The following PRKN variants were observed in gnomAD, a reference collection of about 807,000 sequenced individuals.
The protein encoded by PRKN is E3 ubiquitin-protein ligase parkin.
PRKN carries 56 observed loss-of-function variants against 59.5 expected under a neutral mutation model. The observed-to-expected ratio is 0.94, with a 90% CI of 0.76 to 1.18. The LOEUF is 1.18. PRKN is among the 50% of genes most tolerant of loss of function. The probability of loss-of-function intolerance (pLI) is 0.00; values close to 1 mark genes in which losing one functional copy is unlikely to be tolerated. For missense variants in PRKN, 657 were observed against 596.4 expected, an observed-to-expected ratio of 1.10 and a Z score of -1.06; for synonymous variants, 250 against 222.1, an observed-to-expected ratio of 1.13 and a Z score of -1.12.
chr6:162,498,433 CTTTTTCTTTT>C lies in PRKN; in HGVS notation c.8-54970_8-54961del, dbSNP rs1793190768. On this transcript the variant is annotated intron_variant, in intron 1 of 11. Coordinates refer to ENST00000366898, the MANE Select transcript of PRKN (RefSeq NM_004562.3). ...TTTTTTTTGAGATGGAGTTTCTTTC[CTTTTTCTTTT>C]TTTTTTTTTTTTTTTTTTTGAGATG... Among the ~76,000 whole-genome samples the C allele has an allele frequency of 3.1e-4, 5 of 16,358 alleles. 1 individual carries two copies. The highest frequency in any genetic ancestry group is 6.6e-4 in the African/African-American group (3 of 4,578). The allele number at this position is 16,358 out of a possible 152,430, so 10.7% of individuals were successfully genotyped here. A position where few individuals can be genotyped will look rare whatever the true frequency, so the allele number is the denominator to read the frequency against.
chr6:161,737,656 C>T (rs1480027000), intron 7 of PRKN, among the ~76,000 whole-genome samples: 1 of 152,090 alleles, frequency 6.6e-6, no homozygotes, highest in African/African-American at 2.4e-5. Flanking sequence ...TGAAGCCCAG[C>T]AAGATTACAG....
At chr6:161,944,881 C>T (rs1779722785) in intron 6 of PRKN, among the ~76,000 whole-genome samples, 1 of 152,134 alleles carries the variant, frequency 6.6e-6, no homozygotes, top group African/African-American at 2.4e-5. Flanking sequence ...TAATGCTATA[C>T]AAGAACACAG....
intron 6 of PRKN, among the ~76,000 whole-genome samples, chr6:161,831,844 T>C (rs1488963924): frequency 6.6e-6 from 1 of 152,210 alleles, no homozygotes; most frequent in African/African-American, 2.4e-5. Flanking sequence ...CCTTTCCTAC[T>C]ACAACACAAG....
chr6:162,579,060 CT>C (rs1780674998), intron 1 of PRKN, among the ~76,000 whole-genome samples: 1 of 152,066 alleles, frequency 6.6e-6, no homozygotes, highest in Admixed American at 6.5e-5. Context: ...TTTTTCCTAT[CT>C]TTTAAAATCT....
chr6:161,771,200 T>C lies in PRKN; in HGVS notation c.871+14572A>G, dbSNP rs143361377. Among the ~76,000 whole-genome samples, 1,354 of 151,168 alleles carry C rather than the reference T, an allele frequency of 9.0e-3. 23 individuals are homozygous for C. The highest frequency in any genetic ancestry group is 0.036 in the South Asian group (171 of 4,760). The stretch of plus-strand genomic sequence containing the variant: ...TGAAACCCTGTCTCTACTAAAAATA[T>C]AAAAAATTAGCCTGGCATCATGGCG... On this transcript the variant is annotated intron_variant, in intron 7 of 11. Transcript: ENST00000366898.
rs1562477389 is a variant in PRKN at position 161,480,347 on chromosome 6, C to T, written c.1083+68507G>A. ...GTATGGGGCCCTGTGAGTATGGGGC[C>T]CTGTGTGACTGTACAGGTCGCACAC... On this transcript the variant is annotated intron_variant, in intron 9 of 11. Coordinates refer to ENST00000366898, the MANE Select transcript of PRKN (RefSeq NM_004562.3). The surrounding 1 kb of genome is among the most constrained non-coding windows in gnomAD (Gnocchi z 4.1). 6.6e-6 allele frequency among the ~76,000 whole-genome samples: 1 copy of T among 151,860 alleles called. No individual in the cohort carries two copies. The highest frequency in any genetic ancestry group is 1.5e-5 in the Non-Finnish European group (1 of 67,978).
At chr6:162,290,155 T>C (rs1423217332) in intron 2 of PRKN, among the ~76,000 whole-genome samples, 6 of 152,172 alleles carry the variant, frequency 3.9e-5, no homozygotes, top group Non-Finnish European at 7.4e-5. Flanking sequence ...AGACCGACCA[T>C]TGTCCTCAGC....
At chr6:161,734,002 A>G (rs1787863164) in intron 7 of PRKN, among the ~76,000 whole-genome samples, 1 of 104,720 alleles carries the variant, frequency 9.5e-6, no homozygotes, top group African/African-American at 5.9e-5. Context: ...ACACACACAC[A>G]CACATATTTG....
intron 4 of PRKN, among the ~76,000 whole-genome samples, chr6:162,147,320 G>A (rs950667355): frequency 6.9e-6 from 1 of 143,942 alleles, no homozygotes; most frequent in East Asian, 2.1e-4. Context: ...TCAACCCTGG[G>A]TGACAGAGGA....
At chr6:161,725,035 C>G (rs2128186478) in intron 7 of PRKN, among the ~76,000 whole-genome samples, 1 of 152,274 alleles carries the variant, frequency 6.6e-6, no homozygotes, top group Non-Finnish European at 1.5e-5. Flanking sequence ...ACCACTTTTG[C>G]TTTTCCTCCT....
At chr6:162,270,333 G>A (rs1436754174) in intron 2 of PRKN, 1 of 152,104 alleles carries the variant, frequency 6.6e-6, no homozygotes, top group Non-Finnish European at 1.5e-5. Context: ...AAAGACATAA[G>A]CATGATACAA....
At chr6:162,102,570 C>T (rs923821884) in intron 4 of PRKN, among the ~76,000 whole-genome samples, 10 of 152,116 alleles carry the variant, frequency 6.6e-5, no homozygotes, top group Admixed American at 3.3e-4. Flanking sequence ...TGGAGACGAC[C>T]TTCACTATTT....
At chr6:162,233,233 A>C (rs1431379161) in intron 3 of PRKN, among the ~76,000 whole-genome samples, 1 of 152,206 alleles carries the variant, frequency 6.6e-6, no homozygotes, top group Non-Finnish European at 1.5e-5. Context: ...GTTATTCATT[A>C]ATATTGGCTA....
chr6:161,772,359 C>T (rs1242727158), intron 7 of PRKN, among the ~76,000 whole-genome samples: 1 of 152,176 alleles, frequency 6.6e-6, no homozygotes, highest in East Asian at 1.9e-4. Context: ...CTGCAGAGAT[C>T]ACAGACTGTG....
At chr6:161,745,397 G>C (rs1206980010) in intron 7 of PRKN, among the ~76,000 whole-genome samples, 1 of 152,112 alleles carries the variant, frequency 6.6e-6, no homozygotes. Flanking sequence ...GTCATGGAAA[G>C]GGAGTCTTTT....
chr6:162,715,717 A>C (rs186112935), intron 1 of PRKN, among the ~76,000 whole-genome samples: 1 of 152,278 alleles, frequency 6.6e-6, no homozygotes, highest in Admixed American at 6.5e-5. Context: ...ATGGCATGGA[A>C]AACTGCACTG....
At chr6:162,448,861 ATTTC>A (rs1198448764) in intron 1 of PRKN, among the ~76,000 whole-genome samples, 3 of 95,158 alleles carry the variant, frequency 3.2e-5, no homozygotes, top group African/African-American at 1.2e-4. Flanking sequence ...TCCCTCCTTT[ATTTC>A]TTTCTTTTCC....
intron 4 of PRKN, among the ~76,000 whole-genome samples, chr6:162,095,938 C>A (rs1779708736): frequency 6.6e-6 from 1 of 152,140 alleles, no homozygotes; most frequent in Non-Finnish European, 1.5e-5. Context: ...TGGACACACA[C>A]CCACAGTGCC....
intron 1 of PRKN, among the ~76,000 whole-genome samples, chr6:162,621,648 T>G (rs548213247): frequency 6.6e-6 from 1 of 152,242 alleles, no homozygotes; most frequent in East Asian, 1.9e-4. Context: ...TTCTTGAGCT[T>G]ATAAAATGTT....
Sources: allele counts gnomAD v4.1 joint callset (sites outside exome capture counted in the v4.1 genomes callset), GRCh38; gene constraint gnomAD v4.1.1; non-coding constraint Gnocchi (gnomAD v3.1); transcripts MANE v1.5; gene names NCBI Gene and HGNC (gene_info 2026-07-23, HGNC 2026-07-21).